The following GUCY1A2 variants were observed in gnomAD, a reference collection of about 807,000 sequenced individuals.
GUCY1A2 encodes the protein guanylate cyclase 1 soluble subunit alpha 2, also known as guanylate cyclase soluble subunit alpha-2.
GUCY1A2 carries 27 observed loss-of-function variants against 63.5 expected under a neutral mutation model. The observed-to-expected ratio is 0.43, with a 90% confidence interval of 0.31 to 0.59. The LOEUF (loss-of-function observed/expected upper bound fraction) is 0.59, where lower values mean the gene tolerates loss of function less well. Among genes scored for constraint, GUCY1A2 ranks in the 20% least tolerant of loss-of-function variants. GUCY1A2 has a pLI of 0.11. For missense variants in GUCY1A2, 768 were observed against 913.3 expected (o/e 0.84, Z 2.05); for synonymous variants, 364 against 343.5 (o/e 1.06, Z -0.66).
intron 4 of GUCY1A2, among the ~76,000 whole-genome samples, chr11:106,931,753 A>G (rs1288655142): frequency 6.6e-6 from 1 of 152,210 alleles, no homozygotes; most frequent in Non-Finnish European, 1.5e-5. Flanking sequence ...TTGTATGATG[A>G]CATTTGTAAG....
chr11:106,892,661 G>A (rs1034200774), intron 4 of GUCY1A2, among the ~76,000 whole-genome samples: 4 of 151,888 alleles, frequency 2.6e-5, no homozygotes, highest in Admixed American at 2.0e-4. Flanking sequence ...GTTGTGTATC[G>A]TTTTTCCTGA....
At chr11:106,716,715 G>GC (rs1863220455) in intron 6 of GUCY1A2, among the ~76,000 whole-genome samples, 1 of 140,108 alleles carries the variant, frequency 7.1e-6, no homozygotes, top group East Asian at 2.1e-4. Context: ...CTTGTAGTGA[G>GC]CCGAGATCAC....
rs1192113244 is a variant in GUCY1A2 at position 106,910,822 on chromosome 11, G to C, written c.1206+28638C>G. ...CCTGAGAAAGACTTCAACTTTGCTT[G>C]TGCTAGTACATGTTGATTATATTTG... On this transcript the variant is annotated intron_variant, in intron 4 of 7. Coordinates refer to ENST00000526355, the MANE Select transcript of GUCY1A2 (RefSeq NM_000855.3). Among the ~76,000 whole-genome samples the C allele has an allele frequency of 1.3e-5, 2 of 152,000 alleles. 1 individual carries two copies. Among genetic ancestry groups the C allele is most frequent in the African/African-American group, 4.8e-5 (2 of 41,404 alleles).
At chr11:106,990,523 T>C (rs1861457098) in intron 1 of GUCY1A2, among the ~76,000 whole-genome samples, 1 of 152,262 alleles carries the variant, frequency 6.6e-6, no homozygotes, top group South Asian at 2.1e-4. Context: ...GCTCTGGATA[T>C]CTGCACCAGA....
intron 6 of GUCY1A2, among the ~76,000 whole-genome samples, chr11:106,721,162 A>G (rs1172089707): frequency 6.6e-6 from 1 of 151,386 alleles, no homozygotes; most frequent in Non-Finnish European, 1.5e-5. Flanking sequence ...AGGTTCAAGC[A>G]ATTCTCCTGC....
At chr11:106,858,109 A>T (rs17106130) in intron 4 of GUCY1A2, among the ~76,000 whole-genome samples, 1 of 152,148 alleles carries the variant, frequency 6.6e-6, no homozygotes, top group African/African-American at 2.4e-5. Flanking sequence ...CTTTCACTTC[A>T]ATTCATCATC....
chr11:106,891,897 C>T (rs1329030070), intron 4 of GUCY1A2, among the ~76,000 whole-genome samples: 3 of 152,054 alleles, frequency 2.0e-5, no homozygotes, highest in Non-Finnish European at 2.9e-5. Context: ...TTTGTATTCT[C>T]ATTTAAATTC....
chr11:107,011,937 T>C (rs1023732119), intron 1 of GUCY1A2, among the ~76,000 whole-genome samples: 5 of 152,120 alleles, frequency 3.3e-5, no homozygotes, highest in African/African-American at 4.8e-5. Context: ...TTGAATGCAG[T>C]AGATGAAGAA....
chr11:106,698,723 C>T (rs922513941), intron 7 of GUCY1A2, among the ~76,000 whole-genome samples: 1 of 151,992 alleles, frequency 6.6e-6, no homozygotes, highest in African/African-American at 2.4e-5. Flanking sequence ...GGATTTAGTA[C>T]AAAATATTTG....
chr11:106,865,468 C>T (rs1300707510), intron 4 of GUCY1A2, among the ~76,000 whole-genome samples: 1 of 151,836 alleles, frequency 6.6e-6, no homozygotes, highest in Non-Finnish European at 1.5e-5. Flanking sequence ...TACTATGCTG[C>T]CATAAAAAAG....
Position 106,675,468 on chromosome 11 carries a change from A to G in GUCY1A2, c.*12081T>C, listed in dbSNP as rs550003617. 6.4e-5 allele frequency: 13 copies of G among 201,760 alleles called. No homozygotes were observed. Among genetic ancestry groups the G allele is most frequent in the African/African-American group, 3.0e-4 (13 of 43,628 alleles). 12.5% of individuals were successfully genotyped at this position (201,760 alleles called of 1,614,324 possible). On this transcript the variant is annotated 3_prime_UTR_variant, in exon 8 of 8. Coordinates refer to ENST00000526355, the MANE Select transcript of GUCY1A2 (RefSeq NM_000855.3). ...CTCCAAATTCTTAAAGGAGACAATG[A>G]ATTAGTAGCTTGTAAATTTTGCAGA...
intron 7 of GUCY1A2, among the ~76,000 whole-genome samples, chr11:106,691,648 G>A (rs1466980519): frequency 3.9e-5 from 6 of 152,188 alleles, no homozygotes; most frequent in Non-Finnish European, 5.9e-5. Flanking sequence ...CATTGGCTGG[G>A]AGGAAACTTT....
At chr11:106,907,764 C>T (rs1395203893) in intron 4 of GUCY1A2, among the ~76,000 whole-genome samples, 1 of 152,080 alleles carries the variant, frequency 6.6e-6, no homozygotes, top group Non-Finnish European at 1.5e-5. Flanking sequence ...CATAGTATTC[C>T]ATGGTGTATA....
In GUCY1A2 at chr11:106,687,121, A is replaced by G. The variant is rs1862539648; in HGVS notation, c.*428T>C. The G allele has an allele frequency of 8.7e-6, 2 of 230,364 alleles. No homozygotes were observed. The allele number at this position is 230,364 out of a possible 1,614,324, so 14.3% of individuals were successfully genotyped here. A position where few individuals can be genotyped will look rare whatever the true frequency, so the allele number is the denominator to read the frequency against. On this transcript the variant is annotated 3_prime_UTR_variant, in exon 8 of 8. Transcript: ENST00000526355. Reference sequence around the variant, plus strand: ...ATGTATGAAATGTCTGTTCAGAAAAAGAAACTTAGAAAATATTCCTCACCC... The same window carrying G: ...ATGTATGAAATGTCTGTTCAGAAAAGGAAACTTAGAAAATATTCCTCACCC...
rs137919616 is a variant in GUCY1A2, at chr11:106,955,663, T to C, written c.488-15485A>G. ...GGCTTGTAGAGTTTCTGCTGAGAGGTCCACTGTTAGTCTGATGGACTTCCC... is the reference window on the plus strand; with the variant it reads ...GGCTTGTAGAGTTTCTGCTGAGAGGCCCACTGTTAGTCTGATGGACTTCCC... On this transcript the variant is annotated intron_variant, in intron 3 of 7. Coordinates refer to ENST00000526355, the MANE Select transcript of GUCY1A2 (RefSeq NM_000855.3). Among the ~76,000 whole-genome samples the C allele has an allele frequency of 5.7e-3, 873 of 152,280 alleles. 7 individuals carry two copies. The highest frequency in any genetic ancestry group is 0.02 in the African/African-American group (843 of 41,558).
chr11:106,764,622 A>T (rs1202678437), intron 6 of GUCY1A2, among the ~76,000 whole-genome samples: 1 of 152,144 alleles, frequency 6.6e-6, no homozygotes, highest in African/African-American at 2.4e-5. Flanking sequence ...ATAATTATAC[A>T]GGTGTATGTG....
rs1252696339 is a variant in GUCY1A2, at chr11:106,676,186, C to G, written c.*11363G>C. 5.5e-6 allele frequency: 1 copy of G among 181,102 alleles called. No homozygotes were observed. The highest frequency in any genetic ancestry group is 1.2e-5 in the Non-Finnish European group (1 of 84,866). 11.2% of individuals were successfully genotyped at this position (181,102 alleles called of 1,614,324 possible). On this transcript the variant is annotated 3_prime_UTR_variant, in exon 8 of 8. Transcript: ENST00000526355. ...GATTATAAATTCTTTAAATCTTGTTCAAGATTTGTTCAAATTATTATAAAG... is the reference window on the plus strand; with the variant it reads ...GATTATAAATTCTTTAAATCTTGTTGAAGATTTGTTCAAATTATTATAAAG...
intron 2 of GUCY1A2, among the ~76,000 whole-genome samples, chr11:106,980,345 A>G (rs1360491211): frequency 2.0e-5 from 3 of 152,172 alleles, no homozygotes; most frequent in Non-Finnish European, 4.4e-5. Context: ...GGGGCATCCA[A>G]AAGTGTCAGG....
intron 5 of GUCY1A2, among the ~76,000 whole-genome samples, chr11:106,792,113 C>T (rs1225448822): frequency 4.6e-5 from 7 of 151,852 alleles, no homozygotes; most frequent in African/African-American, 1.7e-4. Context: ...AACAGCCGGG[C>T]GTGGTGGCTC....
Sources: gnomAD v4.1 joint callset for allele counts (sites outside exome capture counted in the v4.1 genomes callset) on GRCh38, gnomAD v4.1.1 for gene constraint, MANE v1.5 for transcripts, NCBI Gene and HGNC (gene_info 2026-07-23, HGNC 2026-07-21) for gene names.